Variants in PRKG1 observed in about 807,000 individuals in gnomAD.
The protein encoded by PRKG1 is cGMP-dependent protein kinase 1.
A neutral mutation model predicts 88.1 loss-of-function variants in PRKG1; 35 were observed. The observed-to-expected ratio is 0.40, with a 90% CI of 0.30 to 0.53. The LOEUF is 0.53. PRKG1 is among the 20% of genes least tolerant of loss of function. PRKG1 has a pLI of 0.59. For synonymous variants in PRKG1, 303 were observed against 292.5 expected (o/e 1.04, Z -0.37); for missense variants, 540 against 839.8 (o/e 0.64, Z 4.41).
chr10:52,105,635 A>G (rs369234348), intron 7 of PRKG1, among the ~76,000 whole-genome samples: 1 of 151,586 alleles, frequency 6.6e-6, no homozygotes, highest in Admixed American at 6.6e-5. Flanking sequence ...TTTTTTTTAA[A>G]CTTTTAAGTT....
intron 2 of PRKG1, among the ~76,000 whole-genome samples, chr10:51,227,007 C>T (rs778324905): frequency 4.0e-5 from 6 of 151,764 alleles, no homozygotes; most frequent in African/African-American, 7.3e-5. Context: ...GATTCCACAG[C>T]GCTTTTGAGG....
intron 7 of PRKG1, among the ~76,000 whole-genome samples, chr10:52,120,492 A>G (rs1175633648): frequency 6.6e-6 from 1 of 152,204 alleles, no homozygotes; most frequent in Non-Finnish European, 1.5e-5. Flanking sequence ...GAGCCTATGA[A>G]ATCAAGACAG....
chr10:52,295,637 G>A lies in PRKG1; in HGVS notation c.*1737G>A, dbSNP rs1842365252. ...AATTTGGTATATTAAATTGACGCTT[G>A]CTTTTTTTTTCAGTAGAGTTTTCTT... On this transcript the variant is annotated 3_prime_UTR_variant, in exon 18 of 18. Transcript: ENST00000373980. 1 of 151,644 alleles carries A rather than the reference G, an allele frequency of 6.6e-6. No individual in the cohort carries two copies. The highest frequency in any genetic ancestry group is 1.5e-5 in the Non-Finnish European group (1 of 67,792). 9.4% of individuals were successfully genotyped at this position (151,644 alleles called of 1,614,324 possible).
At chr10:51,108,259 G>A (rs1844895195) in intron 1 of PRKG1, among the ~76,000 whole-genome samples, 1 of 151,828 alleles carries the variant, frequency 6.6e-6, no homozygotes, top group African/African-American at 2.4e-5. Flanking sequence ...TATGGGATCT[G>A]AATTACCTGA....
intron 9 of PRKG1, among the ~76,000 whole-genome samples, chr10:52,229,755 G>T (rs554694578): frequency 6.6e-6 from 1 of 152,302 alleles, no homozygotes; most frequent in East Asian, 1.9e-4. Context: ...TTGTGCTGAA[G>T]CAGCATGAGG....
At chr10:51,796,079 A>G (rs1303439058) in intron 3 of PRKG1, among the ~76,000 whole-genome samples, 3 of 152,152 alleles carry the variant, frequency 2.0e-5, no homozygotes, top group South Asian at 4.1e-4. Context: ...CCAAAGAATT[A>G]TAAGAATATT....
chr10:51,737,555 G>A (rs183020694), intron 3 of PRKG1, among the ~76,000 whole-genome samples: 79 of 152,108 alleles, frequency 5.2e-4, no homozygotes, highest in African/African-American at 1.9e-3. Flanking sequence ...ACTGGATGTT[G>A]TCGGACAGGG....
chr10:51,025,327 C>T (rs1168918960), intron 1 of PRKG1, among the ~76,000 whole-genome samples: 2 of 152,154 alleles, frequency 1.3e-5, no homozygotes, highest in Admixed American at 6.5e-5. Flanking sequence ...TTTGCTTGGT[C>T]ATTTTTTCCT....
In PRKG1 at chr10:51,074,578, A is replaced by G; in HGVS notation, c.-13A>G. ...GCAGCGGCAGGAAGGAGCCCCCGGC[A>G]GCCCGGAGGAGCATGGGCACCTTGC... On this transcript the variant is annotated 5_prime_UTR_variant, in exon 1 of 18. Transcript: ENST00000373980. 1 of 1,599,678 alleles carries G rather than the reference A, an allele frequency of 6.3e-7. No individual in the cohort carries two copies. Among genetic ancestry groups the G allele is most frequent in the Non-Finnish European group, 8.6e-7 (1 of 1,169,492 alleles).
intron 3 of PRKG1, among the ~76,000 whole-genome samples, chr10:51,730,189 G>A (rs903158964): frequency 1.3e-5 from 2 of 152,090 alleles, no homozygotes; most frequent in Non-Finnish European, 2.9e-5. Context: ...TGCTCCAGAG[G>A]CTGTTGCAAG....
chr10:51,363,805 C>T (rs977196615), intron 2 of PRKG1, among the ~76,000 whole-genome samples: 8 of 151,940 alleles, frequency 5.3e-5, no homozygotes, highest in Non-Finnish European at 8.8e-5. Context: ...CTGCCCTTCT[C>T]TGCCCTGACC....
intron 2 of PRKG1, among the ~76,000 whole-genome samples, chr10:51,180,988 T>C (rs1279253631): frequency 6.6e-6 from 1 of 152,130 alleles, no homozygotes; most frequent in Admixed American, 6.5e-5. Context: ...TAAAGATTCA[T>C]TTAAATATTT....
chr10:52,158,496 G>A (rs1329995481), intron 8 of PRKG1, among the ~76,000 whole-genome samples: 1 of 151,562 alleles, frequency 6.6e-6, no homozygotes, highest in Non-Finnish European at 1.5e-5. Context: ...TTTTGTGCCA[G>A]GAGTGATAAA....
chr10:51,980,814 TTC>T (rs1843988382), intron 5 of PRKG1, among the ~76,000 whole-genome samples: 1 of 152,202 alleles, frequency 6.6e-6, no homozygotes, highest in Non-Finnish European at 1.5e-5. Flanking sequence ...TCTGATTTTT[TTC>T]TGTCTTCCAT....
chr10:51,883,202 C>A (rs948887229), intron 4 of PRKG1, among the ~76,000 whole-genome samples: 5 of 152,198 alleles, frequency 3.3e-5, no homozygotes, highest in African/African-American at 1.2e-4. Context: ...ACAACTTATA[C>A]CATTAGCTCC....
chr10:52,026,049 C>A (rs1190091742), intron 5 of PRKG1, among the ~76,000 whole-genome samples: 1 of 151,752 alleles, frequency 6.6e-6, no homozygotes, highest in Non-Finnish European at 1.5e-5. Context: ...ACAAACCTGA[C>A]AAAAACAAGC....
At chr10:51,771,367 ACCTGGAAGCATTT>A (rs776661903) in intron 3 of PRKG1, among the ~76,000 whole-genome samples, 9 of 152,098 alleles carry the variant, frequency 5.9e-5, no homozygotes, top group Non-Finnish European at 1.0e-4. Flanking sequence ...AAAGAGTTGT[ACCTGGAAGCATTT>A]CCGGAATTTG....
At chr10:51,581,942 A>AC (rs1564560071) in intron 3 of PRKG1, among the ~76,000 whole-genome samples, 1 of 152,154 alleles carries the variant, frequency 6.6e-6, no homozygotes, top group Non-Finnish European at 1.5e-5. Context: ...ATTAAAAAAA[A>AC]AAATGGGCTG....
At chr10:52,149,504 C>G (rs1360878203) in intron 8 of PRKG1, among the ~76,000 whole-genome samples, 1 of 151,980 alleles carries the variant, frequency 6.6e-6, no homozygotes, top group East Asian at 1.9e-4. Context: ...TAAATGAGGT[C>G]ATAAGGGTGG....
Sources: gnomAD v4.1 joint callset for allele counts (sites outside exome capture counted in the v4.1 genomes callset) on GRCh38, gnomAD v4.1.1 for gene constraint, MANE v1.5 for transcripts, NCBI Gene and HGNC (gene_info 2026-07-23, HGNC 2026-07-21) for gene names.